The following ARID1A variants were observed in gnomAD, a reference collection of about 807,000 sequenced individuals.
ARID1A encodes the protein AT-rich interactive domain-containing protein 1A.
Under a neutral mutation model 212.6 loss-of-function variants are expected in ARID1A, and 20 were observed. The ratio of observed to expected loss-of-function variants is 0.09; its 90% CI spans 0.07 to 0.14. The LOEUF is 0.14. Among genes scored for constraint, ARID1A ranks in the 10% least tolerant of loss-of-function variants. ARID1A has a pLI of 1.00. For synonymous variants in ARID1A, 1,376 were observed against 1,222.1 expected (o/e 1.13, Z -2.63); for missense variants, 2,587 against 3,059.0 (o/e 0.85, Z 3.64).
rs930738590 is a variant in ARID1A at position 26,781,559 on chromosome 1, CCT to C, written c.*806_*807del. The C allele has an allele frequency of 4.3e-6, 1 of 233,490 alleles. No homozygotes were observed. Among genetic ancestry groups the C allele is most frequent in the Admixed American group, 5.6e-5 (1 of 17,782 alleles). 14.5% of individuals were successfully genotyped at this position (233,490 alleles called of 1,614,324 possible). The stretch of plus-strand genomic sequence containing the variant: ...GATTGTATGAATAACCCTGAGATCA[CCT>C]CTTAGAACTGGTTTTAACCTTTAGC... On this transcript the variant is annotated 3_prime_UTR_variant, in exon 20 of 20. Coordinates refer to ENST00000324856, the MANE Select transcript of ARID1A (RefSeq NM_006015.6).
chr1:26,718,828 TG>T (rs1293009366), intron 1 of ARID1A, among the ~76,000 whole-genome samples: 1 of 152,226 alleles, frequency 6.6e-6, no homozygotes, highest in Admixed American at 6.5e-5. Flanking sequence ...AAGGTTTGAC[TG>T]TACTTTGTTT....
chr1:26,728,905 C>T (rs1557590632), intron 1 of ARID1A: 1 of 152,076 alleles, frequency 6.6e-6, no homozygotes, highest in Non-Finnish European at 1.5e-5. Context: ...GCATCAAATA[C>T]CTGTGAATTG....
intron 11 of ARID1A, chr1:26,770,833 T>TA (rs2081077181): frequency 4.8e-6 from 2 of 413,654 alleles, no homozygotes; most frequent in Non-Finnish European, 8.7e-6. Context: ...AGCAGCGTAC[T>TA]AAAAAACCGG....
chr1:26,737,580 C>T (rs1373813434), intron 4 of ARID1A, among the ~76,000 whole-genome samples: 1 of 151,992 alleles, frequency 6.6e-6, no homozygotes, highest in Admixed American at 6.6e-5. Flanking sequence ...AAATTAATGC[C>T]CAGGCCCGAG....
chr1:26,749,033 C>A (rs1195226278), intron 4 of ARID1A, among the ~76,000 whole-genome samples: 1 of 151,962 alleles, frequency 6.6e-6, no homozygotes, highest in Non-Finnish European at 1.5e-5. Context: ...GGCATGGTGG[C>A]GGGCACCTGT....
At position 26,762,219 on chromosome 1, in the gene ARID1A, G is replaced by A. The variant is rs1032170294; in HGVS notation, c.2319G>A (p.Pro773=). ...SSPQPGSALS[P]RQPSGGQIHT... ...CCCAGCCCGGCTCAGCCTTATCTCCGCGTCAGCCTTCCGGAGGACAGATAC... is the reference window on the plus strand; with the variant it reads ...CCCAGCCCGGCTCAGCCTTATCTCCACGTCAGCCTTCCGGAGGACAGATAC... Residue 773 remains proline, a synonymous_variant, in exon 7 of 20, where the codon CCG becomes CCA. Coordinates refer to ENST00000324856, the MANE Select transcript of ARID1A (RefSeq NM_006015.6). The A allele has an allele frequency of 1.3e-5, 21 of 1,614,004 alleles. No homozygotes were observed. Among genetic ancestry groups the A allele is most frequent in the Admixed American group, 5.0e-5 (3 of 60,004 alleles).
chr1:26,755,806 C>T (rs1416699566), intron 4 of ARID1A, among the ~76,000 whole-genome samples: 6 of 150,842 alleles, frequency 4.0e-5, no homozygotes, highest in East Asian at 1.9e-4. Flanking sequence ...TGCAGTGGTG[C>T]GATCTCGGCT....
intron 1 of ARID1A, among the ~76,000 whole-genome samples, chr1:26,718,091 C>G (rs1360463969): frequency 6.6e-6 from 1 of 152,286 alleles, no homozygotes; most frequent in Non-Finnish European, 1.5e-5. Flanking sequence ...TCTCCTGCCT[C>G]AGCCTCCTGA....
At chr1:26,743,283 T>TA (rs1289824333) in intron 4 of ARID1A, among the ~76,000 whole-genome samples, 3 of 152,202 alleles carry the variant, frequency 2.0e-5, no homozygotes, top group African/African-American at 7.2e-5. Context: ...AGCAAACTTC[T>TA]ACTTTGGCTT....
At position 26,779,520 on chromosome 1, in the gene ARID1A, C is replaced by T. The variant is rs2124141047; in HGVS notation, c.5622C>T (p.Cys1874=). 1 of 1,614,106 alleles carries T rather than the reference C, an allele frequency of 6.2e-7. No individual in the cohort carries two copies. Among genetic ancestry groups the T allele is most frequent in the Non-Finnish European group, 8.5e-7 (1 of 1,180,026 alleles). Reference sequence around the variant, plus strand: ...TGCCTTCCCGGCCTCACGCACCCTGCCCACCAGCCCCTCGGAAGCATGTGA... The same window carrying T: ...TGCCTTCCCGGCCTCACGCACCCTGTCCACCAGCCCCTCGGAAGCATGTGA... ...ELLPSRPHAP[C]PPAPRKHVTT... is the part of the protein sequence containing the mutation. The change falls in exon 20 of 20, where the codon TGC becomes TGT. Residue 1874 remains cysteine (C), a synonymous_variant. Transcript: ENST00000324856.
chr1:26,720,761 G>T (rs2080556178), intron 1 of ARID1A, among the ~76,000 whole-genome samples: 1 of 151,930 alleles, frequency 6.6e-6, no homozygotes, highest in South Asian at 2.1e-4. Flanking sequence ...CTACTCAGGA[G>T]GCTGAGGTGG....
chr1:26,720,768 G>A (rs937061561), intron 1 of ARID1A, among the ~76,000 whole-genome samples: 10 of 151,932 alleles, frequency 6.6e-5, no homozygotes, highest in African/African-American at 2.2e-4. Flanking sequence ...GGAGGCTGAG[G>A]TGGGAGGATC....
intron 4 of ARID1A, among the ~76,000 whole-genome samples, chr1:26,736,266 C>T (rs1289971436): frequency 7.0e-6 from 1 of 142,588 alleles, no homozygotes; most frequent in Non-Finnish European, 1.5e-5. Flanking sequence ...GCAGAGGTTG[C>T]ATTGAGCCGA....
Position 26,774,555 on chromosome 1 carries a change from C to G in ARID1A, c.4328C>G (p.Thr1443Ser), listed in dbSNP as rs2124118586. ...NAYPATATAA[T>S]ERRPAGGPQN... The stretch of plus-strand genomic sequence containing the variant: ...TATCCTGCCACTGCCACAGCTGCTA[C>G]TGAGCGCCGACCAGCAGGCGGCCCC... Residue 1443 changes from threonine to serine, a missense_variant, in exon 18 of 20, where the codon ACT becomes AGT. Around this residue, in one of 11 missense-constraint regions of ARID1A, gnomAD observed 890 missense variants for 1,098.2 expected, o/e 0.81. Transcript: ENST00000324856. The surrounding 1 kb of genome is among the most constrained non-coding windows in gnomAD (Gnocchi z 5.6). The G allele has an allele frequency of 6.2e-7, 1 of 1,614,218 alleles. No individual in the cohort carries two copies. Among genetic ancestry groups the G allele is most frequent in the African/African-American group, 1.3e-5 (1 of 75,060 alleles).
At position 26,696,873 on chromosome 1, in the gene ARID1A, G is replaced by C. The variant is rs550114715; in HGVS notation, c.470G>C (p.Ser157Thr). Residue 157 changes from serine (S) to threonine (T), a missense_variant, in exon 1 of 20, where the codon AGC (serine) becomes ACC (threonine). Transcript: ENST00000324856. ...GGCTTCGGGCAACCCTACGGCCGGA[G>C]CCCGTCTGCCGTCGCCGCCGCCGCG... is the stretch of plus-strand genomic sequence containing the variant. ...AYGFGQPYGR[S>T]PSAVAAAAAA... 2 of 1,359,284 alleles carry C rather than the reference G, an allele frequency of 1.5e-6. No individual in the cohort carries two copies. Among genetic ancestry groups the C allele is most frequent in the African/African-American group, 3.1e-5 (2 of 65,100 alleles). The allele number at this position is 1,359,284 out of a possible 1,614,324, so 84.2% of individuals were successfully genotyped here. A position where few individuals can be genotyped will look rare whatever the true frequency, so the allele number is the denominator to read the frequency against.
At chr1:26,776,075 C>T (rs1243128826) in intron 19 of ARID1A, 1 of 366,152 alleles carries the variant, frequency 2.7e-6, no homozygotes, top group Non-Finnish European at 5.3e-6. Context: ...TCATGAACTC[C>T]TGAGTTCAAG....
At chr1:26,748,868 T>A (rs2080860528) in intron 4 of ARID1A, among the ~76,000 whole-genome samples, 1 of 151,874 alleles carries the variant, frequency 6.6e-6, no homozygotes, top group African/African-American at 2.4e-5. Context: ...TTATTTTTAT[T>A]TTTGGAAAAC....
intron 1 of ARID1A, among the ~76,000 whole-genome samples, chr1:26,720,042 G>A (rs1380813375): frequency 2.0e-5 from 3 of 150,450 alleles, no homozygotes; most frequent in Non-Finnish European, 4.4e-5. Flanking sequence ...CACGAGGTCA[G>A]GTGTTTGAGA....
rs1254848718 is a variant in ARID1A at position 26,697,431 on chromosome 1, C to A, written c.1028C>A (p.Ala343Glu). 7.4e-7 allele frequency: 1 copy of A among 1,350,920 alleles called. No individual in the cohort carries two copies. The highest frequency in any genetic ancestry group is 9.4e-7 in the Non-Finnish European group (1 of 1,062,286). 83.7% of individuals were successfully genotyped at this position (1,350,920 alleles called of 1,614,324 possible). ...CAGTGTTGGGGGGCTGCGGCGGCGG[C>A]AGCTGCGGCGGCGGCCGCCTCGGGA... ...ASQCWGAAAA[A>E]AAAAAASGGA... The change falls in exon 1 of 20, where the codon GCA (alanine) becomes GAA (glutamate). Residue 343 changes from alanine to glutamate, a missense_variant. Ala to Glu is a moderately radical substitution (Grantham distance 107). Coordinates refer to ENST00000324856, the MANE Select transcript of ARID1A (RefSeq NM_006015.6).
Sources: gnomAD v4.1 joint callset for allele counts (sites outside exome capture counted in the v4.1 genomes callset) on GRCh38, gnomAD v4.1.1 for gene constraint, gnomAD v4.1.1 regional missense constraint, Gnocchi (gnomAD v3.1) non-coding constraint, MANE v1.5 for transcripts, NCBI Gene and HGNC (gene_info 2026-07-23, HGNC 2026-07-21) for gene names.